The following COL4A6 variants were observed in gnomAD, a reference collection of about 807,000 sequenced individuals.
The protein encoded by COL4A6 is collagen alpha-6(IV) chain.
COL4A6 carries 59 observed loss-of-function variants against 126.7 expected under a neutral mutation model. The observed-to-expected ratio is 0.47, with a 90% CI of 0.38 to 0.58. COL4A6 has a LOEUF of 0.58. Ranked by LOEUF, COL4A6 falls within the 20% of genes least tolerant of loss-of-function variation. COL4A6 has a pLI of 0.00. For missense variants in COL4A6, 1,285 were observed against 1,337.3 expected (o/e 0.96, Z 0.61); for synonymous variants, 547 against 496.6 (o/e 1.10, Z -1.35).
At chrX:108,438,526 C>G, upstream of COL4A6, 8 of 913,741 alleles carry the variant, frequency 8.8e-6, no homozygotes, top group South Asian at 2.0e-4. Flanking sequence ...TTCTCACTTT[C>G]AGGCACCTTT....
chrX:108,227,734 G>A (rs1315076556), intron 3 of COL4A6, among the ~76,000 whole-genome samples: 1 of 111,764 alleles, frequency 8.9e-6, no homozygotes, highest in Non-Finnish European at 1.9e-5. Context: ...GATGGTAAAT[G>A]TTTCTTCTCA....
chrX:108,405,168 G>A (rs2031352824), intron 2 of COL4A6, among the ~76,000 whole-genome samples: 1 of 110,395 alleles, frequency 9.1e-6, no homozygotes, highest in Non-Finnish European at 1.9e-5. Flanking sequence ...TTAGTATCAT[G>A]GGTTTTTTTT....
chrX:108,201,275 CCA>C (rs2035384820), intron 13 of COL4A6, among the ~76,000 whole-genome samples: 1 of 111,709 alleles, frequency 9.0e-6, no homozygotes, highest in African/African-American at 3.3e-5. Context: ...TTTGATTCAT[CCA>C]TTTCCCACCT....
chrX:108,165,034 G>T lies in COL4A6; in HGVS notation c.3813C>A (p.Arg1271=). 1 of 1,205,822 alleles carries T rather than the reference G, an allele frequency of 8.3e-7. No homozygotes were observed. The highest frequency in any genetic ancestry group is 3.0e-5 in the East Asian group (1 of 33,763). Reference sequence around the variant, plus strand: ...GACCTGGGGGTCCAGCGGGGCCTGGGCGGCCTAGGGATAAGATCGGAAGAG... The same window carrying T: ...GACCTGGGGGTCCAGCGGGGCCTGGTCGGCCTAGGGATAAGATCGGAAGAG... ...GRPGLDGERG[R]PGPAGPPGPP... is the part of the protein sequence containing the mutation. Residue 1271 remains arginine, a synonymous_variant, in exon 39 of 45, where the codon CGC becomes CGA. Transcript: ENST00000334504.
At chrX:108,279,596 T>C (rs2037736172) in intron 3 of COL4A6, among the ~76,000 whole-genome samples, 1 of 110,103 alleles carries the variant, frequency 9.1e-6, no homozygotes, top group Non-Finnish European at 1.9e-5. Flanking sequence ...AGACAGAGAG[T>C]TAATAAGGAT....
At chrX:108,191,770 C>T (rs954860570) in intron 18 of COL4A6, among the ~76,000 whole-genome samples, 2 of 111,400 alleles carry the variant, frequency 1.8e-5, no homozygotes, top group Non-Finnish European at 3.8e-5. Context: ...AGTGGCAAAC[C>T]TGAGAGGAAA....
intron 3 of COL4A6, among the ~76,000 whole-genome samples, chrX:108,296,461 A>T (rs1307809639): frequency 1.8e-5 from 2 of 111,553 alleles, no homozygotes; most frequent in Middle Eastern, 4.6e-3. Context: ...CCCACCTCTA[A>T]CCTCAGTAAA....
chrX:108,368,968 T>C (rs2040265489), intron 2 of COL4A6, among the ~76,000 whole-genome samples: 1 of 111,900 alleles, frequency 8.9e-6, no homozygotes, highest in Non-Finnish European at 1.9e-5. Flanking sequence ...TGTTTTACAG[T>C]AAACTTTTTT....
At chrX:108,359,371 AAT>A (rs2040030962) in intron 2 of COL4A6, among the ~76,000 whole-genome samples, 7 of 112,545 alleles carry the variant, frequency 6.2e-5, no homozygotes, top group Middle Eastern at 4.2e-3. Context: ...CCTTGTTTTT[AAT>A]CATTCTGCTA....
At chrX:108,166,617 A>G (rs2148067932) in intron 37 of COL4A6, among the ~76,000 whole-genome samples, 1 of 112,168 alleles carries the variant, frequency 8.9e-6, no homozygotes, top group Admixed American at 9.5e-5. Flanking sequence ...ATAGCTCATT[A>G]ATTAATTGAA....
At chrX:108,350,325 T>A (rs770467233) in intron 2 of COL4A6, among the ~76,000 whole-genome samples, 1 of 111,643 alleles carries the variant, frequency 9.0e-6, no homozygotes, top group Non-Finnish European at 1.9e-5. Flanking sequence ...TGAGATGAAA[T>A]CATGCCTATA....
Position 108,172,577 on chromosome X carries a change from A to G in COL4A6, c.3139-45T>C, listed in dbSNP as rs372363896. The G allele has an allele frequency of 9.6e-5, 101 of 1,056,311 alleles. No individual in the cohort carries two copies. In the African/African-American group the frequency reaches 1.7e-3, roughly 18 times the overall value. The allele number at this position is 1,056,311 out of a possible 1,213,427, so 87.1% of individuals were successfully genotyped here. A position where few individuals can be genotyped will look rare whatever the true frequency, so the allele number is the denominator to read the frequency against. ...TCATCATTTCTGCCCAGAGCTCAGG[A>G]CTGCCCACCCTCTTACTTCCTCACC... On this transcript the variant is annotated intron_variant, in intron 31 of 44. Coordinates refer to ENST00000334504, the MANE Select transcript of COL4A6 (RefSeq NM_033641.4).
chrX:108,301,166 T>C (rs2038478295), intron 3 of COL4A6, among the ~76,000 whole-genome samples: 1 of 112,293 alleles, frequency 8.9e-6, no homozygotes, highest in Non-Finnish European at 1.9e-5. Context: ...ATATACTTGG[T>C]AATTTCATCT....
chrX:108,164,826 G>A (rs748653548), intron 39 of COL4A6, 51 bp downstream of exon 39: 3 of 1,187,891 alleles, frequency 2.5e-6, no homozygotes, highest in Non-Finnish European at 2.3e-6. Context: ...GCAGGAAGGA[G>A]TCCTGGCCGT....
chrX:108,164,661 G>A lies in COL4A6; in HGVS notation c.4008C>T (p.Gly1336=). The part of the protein sequence containing the change: ...RGEPGFMGTP[G]KVGPPGDPGF... Reference sequence around the variant, plus strand: ...CTGGGTCTCCAGGTGGCCCAACCTTGCCTGGAGTCCCCATGAAGCCAGGCT... The same window carrying A: ...CTGGGTCTCCAGGTGGCCCAACCTTACCTGGAGTCCCCATGAAGCCAGGCT... The change falls in exon 40 of 45, where the codon GGC becomes GGT. Residue 1336 remains glycine, a synonymous_variant. Coordinates refer to ENST00000334504, the MANE Select transcript of COL4A6 (RefSeq NM_033641.4). 8.3e-7 allele frequency: 1 copy of A among 1,211,565 alleles called. No individual in the cohort carries two copies. Among genetic ancestry groups the A allele is most frequent in the Non-Finnish European group, 1.1e-6 (1 of 895,393 alleles).
intron 32 of COL4A6, 48 bp downstream of exon 32, chrX:108,172,421 A>G (rs1350241730): frequency 1.1e-6 from 1 of 935,752 alleles, no homozygotes; most frequent in Non-Finnish European, 1.5e-6. Context: ...CTAGAAATCT[A>G]CCTTGCTCTA....
At chrX:108,406,650 A>T (rs113028011) in intron 2 of COL4A6, among the ~76,000 whole-genome samples, 135 of 111,905 alleles carry the variant, frequency 1.2e-3, no homozygotes, top group African/African-American at 3.9e-3. Context: ...TAGTAGGTGT[A>T]TCTTGTCCTG....
chrX:108,365,062 T>G (rs973873084), intron 2 of COL4A6, among the ~76,000 whole-genome samples: 6 of 111,516 alleles, frequency 5.4e-5, no homozygotes, highest in Non-Finnish European at 9.4e-5. Context: ...TGCTCTTCCC[T>G]CTGTATGGGA....
At chrX:108,358,680 C>G (rs2040011901) in intron 2 of COL4A6, among the ~76,000 whole-genome samples, 1 of 112,172 alleles carries the variant, frequency 8.9e-6, no homozygotes, top group Admixed American at 9.4e-5. Flanking sequence ...TAGGCGTGAG[C>G]CACCGTGCCT....
Sources: gnomAD v4.1 joint callset for allele counts (sites outside exome capture counted in the v4.1 genomes callset) on GRCh38, gnomAD v4.1.1 for gene constraint, MANE v1.5 for transcripts, NCBI Gene and HGNC (gene_info 2026-07-23, HGNC 2026-07-21) for gene names.